DCLK1: variants seen among roughly 807,000 people sequenced by gnomAD.
DCLK1 encodes doublecortin like kinase 1.
In DCLK1, 16 loss-of-function variants were observed where a neutral mutation model predicts 86.2. The observed-to-expected ratio is 0.19, with a 90% CI of 0.13 to 0.28. The LOEUF (loss-of-function observed/expected upper bound fraction) is 0.28, where lower values mean the gene tolerates loss of function less well. DCLK1 is among the 10% of genes least tolerant of loss of function. The pLI, the probability that DCLK1 is intolerant of heterozygous loss-of-function variation, is 1.00. For synonymous variants in DCLK1, 369 were observed against 370.5 expected, an observed-to-expected ratio of 1.00 and a Z score of 0.05; for missense variants, 590 against 940.2, an observed-to-expected ratio of 0.63 and a Z score of 4.87.
chr13:36,047,444 G>C (rs1162579868), intron 3 of DCLK1, among the ~76,000 whole-genome samples: 1 of 152,126 alleles, frequency 6.6e-6, no homozygotes, highest in Non-Finnish European at 1.5e-5. Context: ...TCAATGGATA[G>C]ATACATGGGT....
At position 36,006,966 on chromosome 13, in the gene DCLK1, A is replaced by G. The variant is rs553289017; in HGVS notation, c.724-59509T>C. 1.2e-3 allele frequency among the ~76,000 whole-genome samples: 185 copies of G among 152,340 alleles called. 1 individual carries two copies. The highest frequency in any genetic ancestry group is 4.3e-3 in the African/African-American group (177 of 41,582). On this transcript the variant is annotated intron_variant, in intron 3 of 16. Coordinates refer to ENST00000360631, the MANE Select transcript of DCLK1 (RefSeq NM_001330071.2). ...CTGAATTGCTGTTTCCTGTGCTCAG[A>G]TTCATAACATAATGCTTTCAAGTTC... is the stretch of plus-strand genomic sequence containing the variant.
chr13:36,072,671 C>T (rs1270446468), intron 3 of DCLK1, among the ~76,000 whole-genome samples: 7 of 152,160 alleles, frequency 4.6e-5, no homozygotes, highest in African/African-American at 1.7e-4. Flanking sequence ...ATTAAGTGAT[C>T]AATAAAGCTG....
At chr13:35,825,823 T>TC (rs201777907) in intron 10 of DCLK1, among the ~76,000 whole-genome samples, 1 of 151,866 alleles carries the variant, frequency 6.6e-6, no homozygotes, top group African/African-American at 2.4e-5. Context: ...CTTTTTTATT[T>TC]TTTTTTGAGA....
chr13:35,826,384 G>A (rs1221417425), intron 10 of DCLK1, among the ~76,000 whole-genome samples: 7 of 150,814 alleles, frequency 4.6e-5, no homozygotes, highest in African/African-American at 1.7e-4. Flanking sequence ...TTAGCCGGGC[G>A]TGGTGGCACA....
chr13:35,970,457 C>T (rs1042620688), intron 3 of DCLK1, among the ~76,000 whole-genome samples: 2 of 152,194 alleles, frequency 1.3e-5, no homozygotes, highest in Non-Finnish European at 2.9e-5. Flanking sequence ...AATTTAATCA[C>T]CAATGTATCA....
At position 35,943,659 on chromosome 13, in the gene DCLK1, G is replaced by A. The variant is rs559682624; in HGVS notation, c.823+3699C>T. Among the ~76,000 whole-genome samples the A allele has an allele frequency of 4.7e-4, 71 of 152,196 alleles. 1 individual carries two copies. The highest frequency in any genetic ancestry group is 8.8e-4 in the Non-Finnish European group (60 of 68,008). ...TGAAGGAACAAGCCAAGCAGAGTGGGGGTACTGGCTTTGAGGCCAGCAGGT... is the reference window on the plus strand; with the variant it reads ...TGAAGGAACAAGCCAAGCAGAGTGGAGGTACTGGCTTTGAGGCCAGCAGGT... On this transcript the variant is annotated intron_variant, in intron 4 of 16. Coordinates refer to ENST00000360631, the MANE Select transcript of DCLK1 (RefSeq NM_001330071.2).
At chr13:35,793,756 A>G (rs1390864098) in intron 15 of DCLK1, among the ~76,000 whole-genome samples, 1 of 152,186 alleles carries the variant, frequency 6.6e-6, no homozygotes, top group Non-Finnish European at 1.5e-5. Context: ...TTGGTTTCTA[A>G]TAAAATCTAT....
chr13:35,879,825 T>C (rs181696152), intron 4 of DCLK1, among the ~76,000 whole-genome samples: 113 of 152,360 alleles, frequency 7.4e-4, no homozygotes, highest in African/African-American at 2.3e-3. Flanking sequence ...TGCACTTTTT[T>C]GTGCCAGTTG....
chr13:36,070,670 C>A (rs148705228), intron 3 of DCLK1, among the ~76,000 whole-genome samples: 1 of 150,826 alleles, frequency 6.6e-6, no homozygotes, highest in Middle Eastern at 3.4e-3. Flanking sequence ...GATGGAGTGT[C>A]GCTCTTTGTT....
intron 3 of DCLK1, among the ~76,000 whole-genome samples, chr13:36,066,230 C>G (rs1002612657): frequency 1.3e-5 from 2 of 152,140 alleles, no homozygotes; most frequent in Non-Finnish European, 2.9e-5. Flanking sequence ...CATGTTTAGG[C>G]AGCCAGGAAG....
intron 2 of DCLK1, among the ~76,000 whole-genome samples, chr13:36,113,227 A>C (rs1250409990): frequency 6.6e-6 from 1 of 152,240 alleles, no homozygotes; most frequent in Non-Finnish European, 1.5e-5. Context: ...TTAAATTCAC[A>C]GTGCAAGCAT....
At chr13:36,048,707 C>G (rs1035205345) in intron 3 of DCLK1, among the ~76,000 whole-genome samples, 3 of 152,200 alleles carry the variant, frequency 2.0e-5, no homozygotes, top group Non-Finnish European at 4.4e-5. Flanking sequence ...TTACTTTCAG[C>G]TTTACTAATA....
chr13:36,101,796 TG>T (rs1258343251), intron 3 of DCLK1, among the ~76,000 whole-genome samples: 2 of 151,906 alleles, frequency 1.3e-5, no homozygotes, highest in African/African-American at 4.8e-5. Flanking sequence ...TGGGCTGGAG[TG>T]CAATGGCACC....
chr13:35,808,920 T>C, intron 13 of DCLK1, 98 bp downstream of exon 13: 2 of 1,001,822 alleles, frequency 2.0e-6, no homozygotes, highest in East Asian at 2.7e-5. Flanking sequence ...TTGTGCTCTT[T>C]TCCTGCTGCA....
At chr13:35,862,481 C>G (rs1296957095) in intron 5 of DCLK1, among the ~76,000 whole-genome samples, 1 of 152,122 alleles carries the variant, frequency 6.6e-6, no homozygotes, top group Non-Finnish European at 1.5e-5. Context: ...GGCCCTTGGC[C>G]TTTCATGTGT....
At chr13:35,884,663 C>T (rs1873119523) in intron 4 of DCLK1, among the ~76,000 whole-genome samples, 1 of 152,124 alleles carries the variant, frequency 6.6e-6, no homozygotes, top group Non-Finnish European at 1.5e-5. Flanking sequence ...CAAGGATAAG[C>T]ATGCATTTCG....
chr13:35,985,246 T>C (rs1251918261), intron 3 of DCLK1, among the ~76,000 whole-genome samples: 1 of 152,084 alleles, frequency 6.6e-6, no homozygotes, highest in African/African-American at 2.4e-5. Context: ...ATAAGCCCAT[T>C]CTCCCTGGAA....
At chr13:35,879,706 A>T (rs574713280) in intron 4 of DCLK1, among the ~76,000 whole-genome samples, 5 of 152,286 alleles carry the variant, frequency 3.3e-5, no homozygotes, top group African/African-American at 9.6e-5. Flanking sequence ...AAGCAGAAAA[A>T]GAGGAAGGTT....
Position 35,838,065 on chromosome 13 carries a change from C to CAAAAAAA in DCLK1, c.1120+1020_1120+1026dup, listed in dbSNP as rs748395648. ...TGAGAGACAGAGCGAGACTCCATCT[C>CAAAAAAA]AAAAAAAAAAAGAAAAGAAAAGAAA... On this transcript the variant is annotated intron_variant, in intron 7 of 16. Transcript: ENST00000360631. 4.9e-4 allele frequency among the ~76,000 whole-genome samples: 49 copies of CAAAAAAA among 100,358 alleles called. 1 individual carries two copies. The highest frequency in any genetic ancestry group is 1.9e-3 in the African/African-American group (47 of 25,342). The allele number at this position is 100,358 out of a possible 152,430, so 65.8% of individuals were successfully genotyped here.
Sources: allele counts gnomAD v4.1 joint callset (sites outside exome capture counted in the v4.1 genomes callset), GRCh38; gene constraint gnomAD v4.1.1; transcripts MANE v1.5; gene names NCBI Gene and HGNC (gene_info 2026-07-23, HGNC 2026-07-21).